SLC35E3: variants seen among roughly 807,000 people sequenced by gnomAD.
SLC35E3 encodes the protein solute carrier family 35 member E3.
A neutral mutation model predicts 30.8 loss-of-function variants in SLC35E3; 28 were observed. The ratio of observed to expected loss-of-function variants is 0.91; its 90% CI spans 0.67 to 1.25. SLC35E3 has a LOEUF of 1.25. SLC35E3 is among the 50% of genes most tolerant of loss of function. The pLI is 0.00. For missense variants in SLC35E3, 365 were observed against 375.4 expected, an observed-to-expected ratio of 0.97 and a Z score of 0.23; for synonymous variants, 146 against 149.2, an observed-to-expected ratio of 0.98 and a Z score of 0.16.
intron 4 of SLC35E3, chr12:68,760,206 T>G (rs1434866706): frequency 6.6e-6 from 1 of 152,224 alleles, no homozygotes; most frequent in Non-Finnish European, 1.5e-5. Context: ...AATGAAGTTA[T>G]ATGTTAAAGG....
intron 2 of SLC35E3, among the ~76,000 whole-genome samples, chr12:68,750,647 T>C (rs1878754413): frequency 6.6e-6 from 1 of 152,136 alleles, no homozygotes; most frequent in Non-Finnish European, 1.5e-5. Flanking sequence ...GGCAGTCCTG[T>C]GGCGAAGACA....
chr12:68,752,089 C>T lies in SLC35E3; in HGVS notation c.571C>T (p.Gln191Ter). ...GAACTCAATGCAGCTGCTGTACTAC[C>T]AGGCTCCGATGTCATCTGCCATGTT... ...QVNSMQLLYY[Q>*]APMSSAMLLV... Residue 191 changes from glutamine to a stop codon, truncating the protein, a stop_gained, in exon 3 of 5, where the codon CAG (glutamine) becomes TAG (stop). Transcript: ENST00000398004. LOFTEE classifies it high-confidence loss of function. The T allele has an allele frequency of 6.2e-7, 1 of 1,613,612 alleles. No homozygotes were observed. The highest frequency in any genetic ancestry group is 1.3e-5 in the African/African-American group (1 of 75,022).
rs1879345634 is a variant in SLC35E3 at position 68,765,069 on chromosome 12, C to T, written c.*179C>T. On this transcript the variant is annotated 3_prime_UTR_variant, in exon 5 of 5. Coordinates refer to ENST00000398004, the MANE Select transcript of SLC35E3 (RefSeq NM_018656.5). ...GTCAGGAGTTCGAGACCAGCCTGAC[C>T]AACATGGAGAAACCCTGTCTCAACT... 4 of 476,130 alleles carry T rather than the reference C, an allele frequency of 8.4e-6. No individual in the cohort carries two copies. The Admixed American group carries it at 1.4e-4, about 17-fold the overall frequency. The allele number at this position is 476,130 out of a possible 1,614,324, so 29.5% of individuals were successfully genotyped here.
chr12:68,767,728 T>C lies in SLC35E3; in HGVS notation c.*2838T>C, dbSNP rs1054466388. 6.6e-6 allele frequency: 1 copy of C among 152,202 alleles called. No individual in the cohort carries two copies. The highest frequency in any genetic ancestry group is 1.5e-5 in the Non-Finnish European group (1 of 68,036). The allele number at this position is 152,202 out of a possible 1,614,324, so 9.4% of individuals were successfully genotyped here. On this transcript the variant is annotated 3_prime_UTR_variant, in exon 5 of 5. Coordinates refer to ENST00000398004, the MANE Select transcript of SLC35E3 (RefSeq NM_018656.5). ...GAGAATTCCAGTTTGTCAGTCAGTCTCTTGTGTAATTAGTACGTGTGGCTT... is the reference window on the plus strand; with the variant it reads ...GAGAATTCCAGTTTGTCAGTCAGTCCCTTGTGTAATTAGTACGTGTGGCTT...
At position 68,746,650 on chromosome 12, in the gene SLC35E3, T is replaced by C; in HGVS notation, c.273T>C (p.Thr91=). The change falls in exon 1 of 5, where the codon ACT becomes ACC. Residue 91 remains threonine (T), a synonymous_variant. Transcript: ENST00000398004. ...ALSFCGFVVF[T]NLSLQNNTIG... ...GCTTCTGTGGCTTTGTGGTCTTCAC[T>C]AACCTTTCTCTGCAGAACAACACCA... is the stretch of plus-strand genomic sequence containing the variant. The C allele has an allele frequency of 8.1e-6, 13 of 1,614,226 alleles. No homozygotes were observed. Among genetic ancestry groups the C allele is most frequent in the Non-Finnish European group, 1.1e-5 (13 of 1,180,036 alleles).
rs1186660171 is a variant in SLC35E3 at position 68,776,699 on chromosome 12, A to G, written c.*11809A>G. 1.3e-5 allele frequency: 2 copies of G among 152,456 alleles called. No individual in the cohort carries two copies. The highest frequency in any genetic ancestry group is 6.6e-5 in the Admixed American group (1 of 15,252). 9.4% of individuals were successfully genotyped at this position (152,456 alleles called of 1,614,324 possible). ...AAACTGTGTCTCAAAAAGAAAAAAA[A>G]AAACAAAAACTAGTAGCTAGCCCCA... On this transcript the variant is annotated 3_prime_UTR_variant, in exon 5 of 5. Coordinates refer to ENST00000398004, the MANE Select transcript of SLC35E3 (RefSeq NM_018656.5).
chr12:68,757,990 G>A (rs1879088889), intron 3 of SLC35E3, among the ~76,000 whole-genome samples: 1 of 151,882 alleles, frequency 6.6e-6, no homozygotes, highest in Non-Finnish European at 1.5e-5. Context: ...TACTGGGGAG[G>A]CTGAGGCAGA....
intron 4 of SLC35E3, chr12:68,759,912 G>A (rs1879182872): frequency 6.6e-6 from 1 of 152,302 alleles, no homozygotes. Flanking sequence ...GGTATTTCTA[G>A]TAACAAAGTA....
chr12:68,763,141 T>C (rs1879279599), intron 4 of SLC35E3, among the ~76,000 whole-genome samples: 1 of 152,242 alleles, frequency 6.6e-6, no homozygotes, highest in Non-Finnish European at 1.5e-5. Flanking sequence ...CTAGCACATA[T>C]GGTGCTTACT....
chr12:68,752,314 A>G (rs1878834263), intron 3 of SLC35E3, 124 bp downstream of exon 3: 4 of 993,508 alleles, frequency 4.0e-6, no homozygotes, highest in Non-Finnish European at 5.9e-6. Context: ...CATAATCACC[A>G]TAAAAGGAGG....
rs1421970097 is a variant in SLC35E3, at chr12:68,746,328, C to G, written c.-50C>G. Reference sequence around the variant, plus strand: ...GGTGGAGTAGAAGGGCAGCCGGAGACAGGCCCGGCGCCCCTTCCGAGGCTA... The same window carrying G: ...GGTGGAGTAGAAGGGCAGCCGGAGAGAGGCCCGGCGCCCCTTCCGAGGCTA... On this transcript the variant is annotated 5_prime_UTR_variant, in exon 1 of 5. Coordinates refer to ENST00000398004, the MANE Select transcript of SLC35E3 (RefSeq NM_018656.5). The G allele has an allele frequency of 1.3e-6, 2 of 1,516,990 alleles. No individual in the cohort carries two copies. The highest frequency in any genetic ancestry group is 1.8e-6 in the Non-Finnish European group (2 of 1,136,648). The allele number at this position is 1,516,990 out of a possible 1,614,324, so 94.0% of individuals were successfully genotyped here.
At position 68,746,505 on chromosome 12, in the gene SLC35E3, A is replaced by G; in HGVS notation, c.128A>G (p.Asn43Ser). The G allele has an allele frequency of 1.2e-6, 2 of 1,614,178 alleles. No individual in the cohort carries two copies. Among genetic ancestry groups the G allele is most frequent in the South Asian group, 1.1e-5 (1 of 91,086 alleles). ...ATTTATGTGTACCACGGCTTCCCCA[A>G]CATGAGCCTGACCCTGGTGCACTTC... ...KWIYVYHGFP[N>S]MSLTLVHFVV... is the part of the protein sequence containing the mutation. The change falls in exon 1 of 5, where the codon AAC becomes AGC. Residue 43 changes from asparagine to serine, a missense_variant. Coordinates refer to ENST00000398004, the MANE Select transcript of SLC35E3 (RefSeq NM_018656.5).
At chr12:68,755,586 G>A (rs1173090746) in intron 3 of SLC35E3, among the ~76,000 whole-genome samples, 2 of 152,194 alleles carry the variant, frequency 1.3e-5, no homozygotes, top group African/African-American at 2.4e-5. Flanking sequence ...TCTGCAGACA[G>A]TACAAGAAGC....
chr12:68,757,284 T>C (rs1355587054), intron 3 of SLC35E3, among the ~76,000 whole-genome samples: 1 of 152,222 alleles, frequency 6.6e-6, no homozygotes, highest in Non-Finnish European at 1.5e-5. Context: ...CTTTATATTC[T>C]TCAAAGTCCG....
rs71091558 is a variant in SLC35E3, at chr12:68,774,821, T to TAAAAAAAAAAAAAA, written c.*9935_*9948dup. 1 of 94,602 alleles carries TAAAAAAAAAAAAAA rather than the reference T, an allele frequency of 1.1e-5. No individual in the cohort carries two copies. Among genetic ancestry groups the TAAAAAAAAAAAAAA allele is most frequent in the African/African-American group, 3.9e-5 (1 of 25,686 alleles). The allele number at this position is 94,602 out of a possible 1,614,324, so 5.9% of individuals were successfully genotyped here. ...CAATGCCGTTAGATGCCCTATCTCT[T>TAAAAAAAAAAAAAA]AAAAAAAAAAAAAAAAAGATAAAAT... On this transcript the variant is annotated 3_prime_UTR_variant, in exon 5 of 5. Transcript: ENST00000398004.
At chr12:68,746,911 A>C in intron 1 of SLC35E3, 132 bp downstream of exon 1, 4 of 1,020,278 alleles carry the variant, frequency 3.9e-6, no homozygotes, top group Non-Finnish European at 5.6e-6. Flanking sequence ...GGGCATGTGA[A>C]CTTTTAGGCT....
intron 4 of SLC35E3, chr12:68,759,925 G>A (rs990661879): frequency 6.6e-6 from 1 of 152,228 alleles, no homozygotes; most frequent in Non-Finnish European, 1.5e-5. Flanking sequence ...ACAAAGTAGA[G>A]GAATGGTTAA....
Position 68,747,975 on chromosome 12 carries a change from A to G in SLC35E3, c.448A>G (p.Lys150Glu), listed in dbSNP as rs1878657220. 1.2e-6 allele frequency: 2 copies of G among 1,609,806 alleles called. No individual in the cohort carries two copies. Among genetic ancestry groups the G allele is most frequent in the Non-Finnish European group, 1.7e-6 (2 of 1,176,660 alleles). The part of the protein sequence containing the change: ...GVILNSYYDV[K>E]FNFLGMVFAA... Reference sequence around the variant, plus strand: ...AATCCTAAATTCTTATTACGATGTGAAGTTTAATTTCCTTGGAATGGTGTT... The same window carrying G: ...AATCCTAAATTCTTATTACGATGTGGAGTTTAATTTCCTTGGAATGGTGTT... The change falls in exon 2 of 5, where the codon AAG (lysine) becomes GAG (glutamate). Residue 150 changes from lysine to glutamate, a missense_variant. Lys to Glu is a moderately conservative substitution (Grantham distance 56, BLOSUM62 1). Coordinates refer to ENST00000398004, the MANE Select transcript of SLC35E3 (RefSeq NM_018656.5).
intron 3 of SLC35E3, among the ~76,000 whole-genome samples, chr12:68,756,355 AT>A (rs1879004953): frequency 6.6e-6 from 1 of 150,518 alleles, no homozygotes; most frequent in Non-Finnish European, 1.5e-5. Context: ...GGCTGAGGCC[AT>A]TTAGTGTGAA....
Sources: gnomAD v4.1 joint callset for allele counts (sites outside exome capture counted in the v4.1 genomes callset) on GRCh38, gnomAD v4.1.1 for gene constraint, MANE v1.5 for transcripts, NCBI Gene and HGNC (gene_info 2026-07-23, HGNC 2026-07-21) for gene names.